Variants in TAB2 observed in about 807,000 individuals in gnomAD.
TAB2 encodes TGF-beta-activated kinase 1 and MAP3K7-binding protein 2.
TAB2 carries 3 observed loss-of-function variants against 65.0 expected under a neutral mutation model. The observed-to-expected ratio is 0.05, with a 90% CI of 0.02 to 0.12. TAB2 has a LOEUF of 0.12. Among genes scored for constraint, TAB2 ranks in the 10% least tolerant of loss-of-function variants. The pLI, the probability that TAB2 is intolerant of heterozygous loss-of-function variation, is 1.00. For synonymous variants in TAB2, 298 were observed against 285.1 expected, an observed-to-expected ratio of 1.05 and a Z score of -0.46; for missense variants, 623 against 840.3, an observed-to-expected ratio of 0.74 and a Z score of 3.20.
chr6:149,400,126 T>C, intron 6 of TAB2: 1 of 476,694 alleles, frequency 2.1e-6, no homozygotes. Context: ...GTAATTACCT[T>C]AACTGGAAAT....
At chr6:149,324,645 A>G (rs910277230) in intron 1 of TAB2, among the ~76,000 whole-genome samples, 5 of 152,040 alleles carry the variant, frequency 3.3e-5, no homozygotes, top group African/African-American at 1.2e-4. Flanking sequence ...TCAATGAGAG[A>G]AAAATACTTG....
At chr6:149,406,923 G>A (rs1782683610) in intron 6 of TAB2, among the ~76,000 whole-genome samples, 1 of 152,218 alleles carries the variant, frequency 6.6e-6, no homozygotes, top group Non-Finnish European at 1.5e-5. Flanking sequence ...CTCCACGTTG[G>A]TCAAGCTGGT....
chr6:149,396,636 G>A (rs1782181049), intron 3 of TAB2, among the ~76,000 whole-genome samples: 1 of 152,140 alleles, frequency 6.6e-6, no homozygotes, highest in Non-Finnish European at 1.5e-5. Context: ...TCATGTCCAG[G>A]GACAGATCAC....
At chr6:149,261,756 A>G (rs1033408091) in intron 1 of TAB2, among the ~76,000 whole-genome samples, 2 of 152,260 alleles carry the variant, frequency 1.3e-5, no homozygotes, top group African/African-American at 4.8e-5. Flanking sequence ...AGAACAACTA[A>G]GTTAAGCTGA....
At chr6:149,369,028 G>T (rs916336080) in intron 1 of TAB2, among the ~76,000 whole-genome samples, 3 of 152,084 alleles carry the variant, frequency 2.0e-5, no homozygotes, top group African/African-American at 7.2e-5. Flanking sequence ...GTTAAAAAGA[G>T]AAATACCACA....
chr6:149,401,512 ATT>A (rs1475892677), intron 6 of TAB2, among the ~76,000 whole-genome samples: 1 of 152,074 alleles, frequency 6.6e-6, no homozygotes, highest in Non-Finnish European at 1.5e-5. Flanking sequence ...AAATATAAAA[ATT>A]ATAAATATAT....
chr6:149,238,656 C>G (rs952168709), intron 1 of TAB2, among the ~76,000 whole-genome samples: 6 of 152,234 alleles, frequency 3.9e-5, no homozygotes, highest in Non-Finnish European at 7.3e-5. Context: ...GCCACACCAA[C>G]CATGTCTGAT....
At position 149,264,528 on chromosome 6, in the gene TAB2, T is replaced by C. The variant is rs148471225; in HGVS notation, c.-121+45752T>C. On this transcript the variant is annotated intron_variant, in intron 1 of 1. Transcript: ENST00000606202. ...CACCTGTAAAATGTTGCTTCATGTATAAGACTGTGTAGTGATCGAGTCAGG... is the reference window on the plus strand; with the variant it reads ...CACCTGTAAAATGTTGCTTCATGTACAAGACTGTGTAGTGATCGAGTCAGG... Among the ~76,000 whole-genome samples the C allele has an allele frequency of 4.5e-3, 693 of 152,322 alleles. 2 individuals are homozygous for C. Among genetic ancestry groups the C allele is most frequent in the African/African-American group, 0.016 (663 of 41,576 alleles).
chr6:149,390,577 C>T (rs1464185232), intron 3 of TAB2, among the ~76,000 whole-genome samples: 6 of 152,008 alleles, frequency 3.9e-5, no homozygotes, highest in Non-Finnish European at 7.4e-5. Context: ...AATTGAGTAA[C>T]GAAGAAATTT....
At position 149,409,558 on chromosome 6, in the gene TAB2, A is replaced by T. The variant is rs1562459427; in HGVS notation, c.1940-19A>T. The T allele has an allele frequency of 4.4e-6, 7 of 1,609,036 alleles. No individual in the cohort carries two copies. On this transcript the variant is annotated intron_variant, in intron 6 of 6. Transcript: ENST00000637181. ...TTTGTGATTTTTTACTTATAAAATA[A>T]TTTTTTTCTTTCTTACAGATCAAAG... is the stretch of plus-strand genomic sequence containing the variant.
chr6:149,359,757 T>TG (rs1339235703), intron 1 of TAB2, among the ~76,000 whole-genome samples: 1 of 152,212 alleles, frequency 6.6e-6, no homozygotes, highest in Non-Finnish European at 1.5e-5. Flanking sequence ...TCTTTGTTTC[T>TG]GGCACCAGGG....
chr6:149,243,213 C>T (rs111684225), intron 1 of TAB2: 15 of 152,334 alleles, frequency 9.8e-5, no homozygotes, highest in South Asian at 4.1e-4. Context: ...ACTGCCAGCA[C>T]GGCCTCTGCC....
At chr6:149,333,328 T>G (rs1200663942) in intron 1 of TAB2, among the ~76,000 whole-genome samples, 1 of 152,226 alleles carries the variant, frequency 6.6e-6, no homozygotes, top group East Asian at 1.9e-4. Flanking sequence ...CTCTTTTTTC[T>G]CTTTTCCCTA....
At chr6:149,283,311 A>T (rs1481478663) in intron 1 of TAB2, among the ~76,000 whole-genome samples, 1 of 152,266 alleles carries the variant, frequency 6.6e-6, no homozygotes, top group Non-Finnish European at 1.5e-5. Context: ...GATGGGAGGC[A>T]GTAAGTTATA....
chr6:149,330,909 T>G (rs1362467319), intron 1 of TAB2, among the ~76,000 whole-genome samples: 1 of 152,196 alleles, frequency 6.6e-6, no homozygotes, highest in Non-Finnish European at 1.5e-5. Context: ...CTTTTGTACC[T>G]TTGTCAAAAA....
chr6:149,313,953 C>A (rs1002085914), upstream of TAB2, among the ~76,000 whole-genome samples: 1 of 152,180 alleles, frequency 6.6e-6, no homozygotes, highest in Non-Finnish European at 1.5e-5. Flanking sequence ...CATCTTCCAT[C>A]TTACTATTAA....
intron 1 of TAB2, among the ~76,000 whole-genome samples, chr6:149,235,764 G>A (rs772822527): frequency 4.6e-5 from 7 of 152,192 alleles, no homozygotes; most frequent in Non-Finnish European, 1.0e-4. Context: ...TGTCCTAGGA[G>A]CGTGAATTTC....
At chr6:149,232,603 G>A (rs1194155745) in intron 1 of TAB2, among the ~76,000 whole-genome samples, 1 of 152,172 alleles carries the variant, frequency 6.6e-6, no homozygotes, top group Non-Finnish European at 1.5e-5. Context: ...GCCGATGACA[G>A]GAATACCACT....
At chr6:149,340,802 TA>T (rs1780097351) in intron 1 of TAB2, among the ~76,000 whole-genome samples, 1 of 152,178 alleles carries the variant, frequency 6.6e-6, no homozygotes, top group Non-Finnish European at 1.5e-5. Context: ...GTTAACTTTT[TA>T]AAACTTTTAA....
Sources: gnomAD v4.1 joint callset for allele counts (sites outside exome capture counted in the v4.1 genomes callset) on GRCh38, gnomAD v4.1.1 for gene constraint, MANE v1.5 for transcripts, NCBI Gene and HGNC (gene_info 2026-07-23, HGNC 2026-07-21) for gene names.